The following MAGI2 variants were observed in gnomAD, a reference collection of about 807,000 sequenced individuals.
MAGI2 encodes the protein membrane associated guanylate kinase, WW and PDZ domain containing 2, also known as membrane-associated guanylate kinase, WW and PDZ domain-containing protein 2.
A neutral mutation model predicts 133.3 loss-of-function variants in MAGI2; 35 were observed. That is an observed-to-expected ratio of 0.26 (90% CI 0.20 to 0.35). The LOEUF (loss-of-function observed/expected upper bound fraction) is 0.35. Among genes scored for constraint, MAGI2 ranks in the 10% least tolerant of loss-of-function variants. The pLI, the probability that MAGI2 is intolerant of heterozygous loss-of-function variation, is 1.00. For missense variants in MAGI2, 1,636 were observed against 1,863.4 expected, an observed-to-expected ratio of 0.88 and a Z score of 2.25; for synonymous variants, 729 against 710.6, an observed-to-expected ratio of 1.03 and a Z score of -0.41.
chr7:79,012,496 G>A (rs565232378), intron 1 of MAGI2, among the ~76,000 whole-genome samples: 4 of 152,158 alleles, frequency 2.6e-5, no homozygotes, highest in African/African-American at 9.6e-5. Context: ...AAGCTTCCCA[G>A]GAGAGAGTGT....
intron 12 of MAGI2, 22 bp downstream of exon 12, chr7:78,194,852 G>C (rs1341474677): frequency 6.4e-7 from 1 of 1,564,358 alleles, no homozygotes; most frequent in African/African-American, 1.4e-5. Flanking sequence ...ATGTACCCTT[G>C]TTTCATGTGG....
At chr7:78,888,483 A>T (rs1277784884) in intron 2 of MAGI2, among the ~76,000 whole-genome samples, 1 of 152,214 alleles carries the variant, frequency 6.6e-6, no homozygotes, top group Non-Finnish European at 1.5e-5. Flanking sequence ...ATCCCCCAGT[A>T]GGGGCAGAAT....
chr7:79,054,884 A>G (rs964765205), intron 1 of MAGI2, among the ~76,000 whole-genome samples: 2 of 152,118 alleles, frequency 1.3e-5, no homozygotes, highest in Non-Finnish European at 2.9e-5. Context: ...TCCGCCTCCC[A>G]GGTTCAAGTG....
intron 9 of MAGI2, among the ~76,000 whole-genome samples, chr7:78,297,841 AGGGGGAG>A (rs1191221457): frequency 1.7e-5 from 1 of 60,084 alleles, no homozygotes; most frequent in Non-Finnish European, 2.9e-5. Flanking sequence ...GGGTGGGGGG[AGGGGGAG>A]GGGGGAGGGA....
chr7:79,436,452 A>G (rs181903030), intron 1 of MAGI2, among the ~76,000 whole-genome samples: 29 of 152,292 alleles, frequency 1.9e-4, no homozygotes, highest in Admixed American at 1.6e-3. Context: ...CAAACTATGT[A>G]TCTGACAAAG....
At chr7:78,546,943 A>G (rs1447694046) in intron 3 of MAGI2, among the ~76,000 whole-genome samples, 6 of 152,232 alleles carry the variant, frequency 3.9e-5, no homozygotes, top group Non-Finnish European at 7.3e-5. Flanking sequence ...AGTAAATACT[A>G]TTATTGCCAA....
At chr7:79,386,603 A>C (rs1376688422) in intron 1 of MAGI2, among the ~76,000 whole-genome samples, 1 of 152,140 alleles carries the variant, frequency 6.6e-6, no homozygotes, top group Non-Finnish European at 1.5e-5. Context: ...TAAGTTGTCA[A>C]GGTAACACAT....
At chr7:79,382,595 A>G (rs1843870572) in intron 1 of MAGI2, among the ~76,000 whole-genome samples, 1 of 151,678 alleles carries the variant, frequency 6.6e-6, no homozygotes, top group Non-Finnish European at 1.5e-5. Flanking sequence ...ATAAGGGGAA[A>G]GCAATAGTGC....
intron 2 of MAGI2, among the ~76,000 whole-genome samples, chr7:78,923,900 G>A (rs1799468398): frequency 6.6e-6 from 1 of 152,038 alleles, no homozygotes; most frequent in African/African-American, 2.4e-5. Flanking sequence ...TCCTTGAAGA[G>A]GTCTTTCACG....
intron 2 of MAGI2, among the ~76,000 whole-genome samples, chr7:78,680,715 C>T (rs1015256447): frequency 6.6e-6 from 1 of 152,144 alleles, no homozygotes; most frequent in African/African-American, 2.4e-5. Flanking sequence ...TCAAATCATT[C>T]TTTGTAGAGC....
chr7:79,125,751 C>T, intron 1 of MAGI2: 1 of 521,520 alleles, frequency 1.9e-6, no homozygotes, highest in Non-Finnish European at 3.8e-6. Flanking sequence ...CTTTGCCAAG[C>T]CACAAAATCA....
chr7:79,033,250 A>C (rs1810781009), intron 1 of MAGI2, among the ~76,000 whole-genome samples: 1 of 152,232 alleles, frequency 6.6e-6, no homozygotes, highest in Admixed American at 6.5e-5. Flanking sequence ...GTGCTTCAAA[A>C]TAAAGCTTAA....
At chr7:79,301,893 G>A (rs1380218318) in intron 1 of MAGI2, among the ~76,000 whole-genome samples, 1 of 152,072 alleles carries the variant, frequency 6.6e-6, no homozygotes, top group Admixed American at 6.6e-5. Context: ...ACAAGATCTG[G>A]TCATTTAAAA....
chr7:78,778,803 A>C (rs960652422), intron 2 of MAGI2, among the ~76,000 whole-genome samples: 7 of 152,126 alleles, frequency 4.6e-5, no homozygotes, highest in African/African-American at 1.7e-4. Flanking sequence ...ACAATATCTA[A>C]TCTCTCAGGT....
chr7:79,172,847 A>G (rs539236849), intron 1 of MAGI2: 41 of 152,178 alleles, frequency 2.7e-4, no homozygotes, highest in African/African-American at 9.6e-4. Flanking sequence ...CACAACCATC[A>G]GAAAAGCAGA....
intron 3 of MAGI2, among the ~76,000 whole-genome samples, chr7:78,610,406 A>G (rs1025847468): frequency 2.0e-5 from 3 of 152,138 alleles, no homozygotes; most frequent in Non-Finnish European, 2.9e-5. Flanking sequence ...TAGAACTCTT[A>G]AAGGGCATCC....
chr7:78,360,952 G>T (rs113571291), intron 7 of MAGI2, among the ~76,000 whole-genome samples: 2,104 of 152,252 alleles, frequency 0.014, 19 homozygotes, highest in Non-Finnish European at 0.021. Context: ...TTCCTGGGAC[G>T]TCAAGGGGTC....
chr7:78,887,549 C>T (rs893045548), intron 2 of MAGI2, among the ~76,000 whole-genome samples: 7 of 152,316 alleles, frequency 4.6e-5, no homozygotes, highest in African/African-American at 1.7e-4. Context: ...ACAAAACATG[C>T]TTTATGAATG....
intron 7 of MAGI2, chr7:78,352,797 C>T (rs728470): frequency 6.6e-6 from 1 of 152,100 alleles, no homozygotes; most frequent in East Asian, 1.9e-4. Context: ...CTCCCTCGGT[C>T]GTAATGCTAG....
Sources: allele counts gnomAD v4.1 joint callset (sites outside exome capture counted in the v4.1 genomes callset), GRCh38; gene constraint gnomAD v4.1.1; transcripts MANE v1.5; gene names NCBI Gene and HGNC (gene_info 2026-07-23, HGNC 2026-07-21).